Variants in TESK2 observed in about 807,000 individuals in gnomAD.
TESK2 encodes the protein testis associated actin remodelling kinase 2, also known as dual specificity testis-specific protein kinase 2.
TESK2 carries 39 observed loss-of-function variants against 57.1 expected under a neutral mutation model. That is an observed-to-expected ratio of 0.68 (90% CI 0.53 to 0.89). The LOEUF is 0.89. Among genes scored for constraint, TESK2 ranks in the 40% least tolerant of loss-of-function variants. The probability of loss-of-function intolerance (pLI) is 0.00; values close to 1 mark genes in which losing one functional copy is unlikely to be tolerated. For missense variants in TESK2, 646 were observed against 732.1 expected, an observed-to-expected ratio of 0.88 and a Z score of 1.36; for synonymous variants, 249 against 267.9, an observed-to-expected ratio of 0.93 and a Z score of 0.69.
At chr1:45,454,937 G>C (rs941354693) in intron 2 of TESK2, among the ~76,000 whole-genome samples, 2 of 152,092 alleles carry the variant, frequency 1.3e-5, no homozygotes, top group Admixed American at 1.3e-4. Context: ...AAGGTACCTA[G>C]AATAAGCAAA....
chr1:45,371,741 G>A (rs1276403308), intron 4 of TESK2, among the ~76,000 whole-genome samples: 1 of 151,900 alleles, frequency 6.6e-6, no homozygotes, highest in East Asian at 1.9e-4. Flanking sequence ...GGTGATGCAC[G>A]CCTGTAGTCC....
chr1:45,379,758 C>T (rs1648573077), intron 4 of TESK2, among the ~76,000 whole-genome samples: 1 of 152,240 alleles, frequency 6.6e-6, no homozygotes. Flanking sequence ...CAGTACCAAA[C>T]ATCTGCTCGA....
intron 4 of TESK2, among the ~76,000 whole-genome samples, chr1:45,358,846 G>A (rs758021351): frequency 6.6e-6 from 1 of 152,202 alleles, no homozygotes; most frequent in Non-Finnish European, 1.5e-5. Context: ...AGACTCTGCA[G>A]TCTGGCTCCA....
chr1:45,466,689 T>C (rs1652567334), intron 1 of TESK2, among the ~76,000 whole-genome samples: 1 of 149,192 alleles, frequency 6.7e-6, no homozygotes, highest in Admixed American at 6.7e-5. Flanking sequence ...TATTATATAT[T>C]ACAGAAAAGC....
At chr1:45,349,671 C>G (rs757476981) in intron 5 of TESK2, among the ~76,000 whole-genome samples, 1 of 152,224 alleles carries the variant, frequency 6.6e-6, no homozygotes, top group Non-Finnish European at 1.5e-5. Flanking sequence ...TCTTCATTTC[C>G]TCACACCTAT....
intron 2 of TESK2, among the ~76,000 whole-genome samples, chr1:45,454,357 A>C (rs1651988718): frequency 6.6e-6 from 1 of 152,158 alleles, no homozygotes; most frequent in Non-Finnish European, 1.5e-5. Flanking sequence ...CATACTTAAC[A>C]GTTGTGTTAA....
intron 3 of TESK2, among the ~76,000 whole-genome samples, chr1:45,399,543 G>A (rs1012880362): frequency 2.0e-5 from 3 of 152,108 alleles, no homozygotes; most frequent in African/African-American, 7.2e-5. Context: ...TCAAACTCCC[G>A]ACCTCAGGTA....
chr1:45,462,908 C>T (rs1426024915), intron 1 of TESK2, among the ~76,000 whole-genome samples: 1 of 152,104 alleles, frequency 6.6e-6, no homozygotes, highest in African/African-American at 2.4e-5. Flanking sequence ...ATTATTTGCC[C>T]ATCTTTTGAA....
intron 3 of TESK2, among the ~76,000 whole-genome samples, chr1:45,408,952 G>A (rs993506702): frequency 2.0e-5 from 3 of 152,106 alleles, no homozygotes; most frequent in African/African-American, 7.2e-5. Flanking sequence ...CAAGAAATGG[G>A]GATGTTGACT....
At position 45,357,990 on chromosome 1, in the gene TESK2, G is replaced by A. The variant is rs146020485; in HGVS notation, c.394-2541C>T. Among the ~76,000 whole-genome samples the A allele has an allele frequency of 2.8e-4, 35 of 123,976 alleles. No homozygotes were observed. The East Asian group carries it at 5.4e-3, about 19-fold the overall frequency. The allele number at this position is 123,976 out of a possible 152,430, so 81.3% of individuals were successfully genotyped here. ...TTGTACTCCAGCCTGGGCAAGTGAC[G>A]GAGTGAAACTCCGTCTAAAAAAAAA... On this transcript the variant is annotated intron_variant, in intron 4 of 10. Coordinates refer to ENST00000372086, the MANE Select transcript of TESK2 (RefSeq NM_007170.3).
intron 1 of TESK2, among the ~76,000 whole-genome samples, chr1:45,464,051 TTTTCTA>T (rs1428730695): frequency 6.6e-6 from 1 of 152,182 alleles, no homozygotes; most frequent in Non-Finnish European, 1.5e-5. Flanking sequence ...TGAGGATTTT[TTTTCTA>T]TTTCTGTGAA....
At chr1:45,442,012 C>T (rs1017249794) in intron 2 of TESK2, among the ~76,000 whole-genome samples, 1 of 152,152 alleles carries the variant, frequency 6.6e-6, no homozygotes, top group Non-Finnish European at 1.5e-5. Flanking sequence ...TCTCGGCTCA[C>T]CGCAACCTCC....
Position 45,459,117 on chromosome 1 carries a change from C to T in TESK2, c.-86-1246G>A, listed in dbSNP as rs573628403. On this transcript the variant is annotated intron_variant, in intron 1 of 10. Transcript: ENST00000372086. ...CCCATTGCCAGAAGTCAGCACCGTA[C>T]CCAGTGTGTACAACCACAGTTTCTT... is the stretch of plus-strand genomic sequence containing the variant. Among the ~76,000 whole-genome samples, 39 of 152,300 alleles carry T rather than the reference C, an allele frequency of 2.6e-4. 1 individual carries two copies. The South Asian group carries it at 7.9e-3, about 31-fold the overall frequency.
At chr1:45,386,119 C>T (rs1453483960) in intron 3 of TESK2, among the ~76,000 whole-genome samples, 159 bp from the exon 4 acceptor site, 3 of 152,034 alleles carry the variant, frequency 2.0e-5, no homozygotes, top group South Asian at 2.1e-4. Flanking sequence ...CAGAGGTGTG[C>T]GGATCACCTG....
chr1:45,432,696 A>T (rs919761790), intron 2 of TESK2, among the ~76,000 whole-genome samples: 13 of 151,482 alleles, frequency 8.6e-5, no homozygotes, highest in Non-Finnish European at 1.3e-4. Context: ...GTCTCAAAAA[A>T]AAAAGATATA....
chr1:45,355,852 A>G (rs1647396776), intron 4 of TESK2, among the ~76,000 whole-genome samples: 1 of 152,172 alleles, frequency 6.6e-6, no homozygotes, highest in Non-Finnish European at 1.5e-5. Context: ...ATGCAAAGTT[A>G]CAGGTTAAGT....
chr1:45,430,084 CT>C (rs1650887859), intron 2 of TESK2, among the ~76,000 whole-genome samples: 1 of 152,192 alleles, frequency 6.6e-6, no homozygotes, highest in South Asian at 2.1e-4. Flanking sequence ...TAATTTTGTC[CT>C]TTAACAGATG....
intron 5 of TESK2, among the ~76,000 whole-genome samples, chr1:45,348,873 T>C (rs1008267188): frequency 6.6e-6 from 1 of 152,082 alleles, no homozygotes; most frequent in African/African-American, 2.4e-5. Context: ...CCTCACAGCT[T>C]TCAATTCATG....
At chr1:45,407,636 T>C (rs1649897193) in intron 3 of TESK2, among the ~76,000 whole-genome samples, 1 of 152,122 alleles carries the variant, frequency 6.6e-6, no homozygotes, top group Non-Finnish European at 1.5e-5. Flanking sequence ...TCTCACGATA[T>C]CTGATAGTTT....
Sources: gnomAD v4.1 joint callset for allele counts (sites outside exome capture counted in the v4.1 genomes callset) on GRCh38, gnomAD v4.1.1 for gene constraint, MANE v1.5 for transcripts, NCBI Gene and HGNC (gene_info 2026-07-23, HGNC 2026-07-21) for gene names.